The following STX18 variants were observed in gnomAD, a reference collection of about 807,000 sequenced individuals.
STX18 encodes the protein syntaxin 18.
In STX18, 40 loss-of-function variants were observed where a neutral mutation model predicts 50.1. That is an observed-to-expected ratio of 0.80 (90% CI 0.62 to 1.04). The LOEUF (loss-of-function observed/expected upper bound fraction) is 1.04. Ranked by LOEUF, STX18 falls within the 50% of genes least tolerant of loss-of-function variation. The pLI, the probability that STX18 is intolerant of heterozygous loss-of-function variation, is 0.00. For missense variants in STX18, 410 were observed against 415.8 expected, an observed-to-expected ratio of 0.99 and a Z score of 0.12; for synonymous variants, 158 against 151.8, an observed-to-expected ratio of 1.04 and a Z score of -0.30.
chr4:4,525,956 T>C lies in STX18; in HGVS notation c.168+15841A>G, dbSNP rs115134541. ...GAGCAAGCAGTCCAGGCAAGAGAAA[T>C]AGCAGGAGCCAAGGAAGGAGGCAAG... On this transcript the variant is annotated intron_variant, in intron 1 of 10. Transcript: ENST00000306200. 6.8e-3 allele frequency among the ~76,000 whole-genome samples: 1,035 copies of C among 152,096 alleles called. 6 individuals are homozygous for C. Among genetic ancestry groups the C allele is most frequent in the African/African-American group, 0.023 (972 of 41,484 alleles).
intron 7 of STX18, among the ~76,000 whole-genome samples, chr4:4,428,860 A>C (rs1725384760): frequency 6.6e-6 from 1 of 152,140 alleles, no homozygotes; most frequent in South Asian, 2.1e-4. Flanking sequence ...CAATCAAGGA[A>C]ATTCTTATTT....
At chr4:4,445,272 G>C (rs1726330272) in intron 5 of STX18, among the ~76,000 whole-genome samples, 2 of 152,108 alleles carry the variant, frequency 1.3e-5, no homozygotes, top group African/African-American at 4.8e-5. Flanking sequence ...CGGGCATGGT[G>C]GTGGGCGCCT....
intron 5 of STX18, among the ~76,000 whole-genome samples, chr4:4,444,558 A>C (rs1726287458): frequency 6.6e-6 from 1 of 152,198 alleles, no homozygotes; most frequent in Non-Finnish European, 1.5e-5. Context: ...ACACTATTCC[A>C]CTGGGAGAGG....
chr4:4,509,675 A>C (rs1395002051), intron 1 of STX18, among the ~76,000 whole-genome samples: 1 of 152,208 alleles, frequency 6.6e-6, no homozygotes, highest in Non-Finnish European at 1.5e-5. Context: ...AAGTGGTGAA[A>C]GTGTTACGGG....
At chr4:4,491,697 G>A (rs992853413) in intron 1 of STX18, among the ~76,000 whole-genome samples, 27 of 152,106 alleles carry the variant, frequency 1.8e-4, no homozygotes, top group African/African-American at 4.8e-4. Context: ...TTGTGATATC[G>A]TTGATCACAA....
At chr4:4,533,169 T>C (rs961127575) in intron 1 of STX18, among the ~76,000 whole-genome samples, 1 of 152,232 alleles carries the variant, frequency 6.6e-6, no homozygotes, top group Admixed American at 6.5e-5. Flanking sequence ...ATACTTTCAT[T>C]CCTCTGGTTT....
At chr4:4,453,765 G>T in intron 5 of STX18, 2 of 712,362 alleles carry the variant, frequency 2.8e-6, no homozygotes, top group Non-Finnish European at 3.4e-6. Flanking sequence ...TCAGGCACAG[G>T]TACCGTGGAC....
At chr4:4,431,434 C>G (rs1725513483) in intron 7 of STX18, among the ~76,000 whole-genome samples, 1 of 152,212 alleles carries the variant, frequency 6.6e-6, no homozygotes, top group African/African-American at 2.4e-5. Flanking sequence ...TCCAATCCCT[C>G]TTTACATTCC....
At chr4:4,482,109 C>T (rs1050132837) in intron 1 of STX18, among the ~76,000 whole-genome samples, 8 of 152,152 alleles carry the variant, frequency 5.3e-5, no homozygotes, top group African/African-American at 1.7e-4. Context: ...AGGTTCTTTT[C>T]TAAAACCTAT....
intron 1 of STX18, among the ~76,000 whole-genome samples, chr4:4,535,149 T>A (rs914850476): frequency 6.6e-6 from 1 of 152,248 alleles, no homozygotes; most frequent in Non-Finnish European, 1.5e-5. Flanking sequence ...CTTTGAGGTT[T>A]CCACTGATTC....
intron 5 of STX18, among the ~76,000 whole-genome samples, chr4:4,444,814 AAAAC>A (rs1344368510): frequency 3.3e-5 from 5 of 151,576 alleles, no homozygotes; most frequent in African/African-American, 4.9e-5. Flanking sequence ...CACAAATATG[AAAAC>A]AAACTAACAA....
At chr4:4,527,479 A>G (rs989448525) in intron 1 of STX18, among the ~76,000 whole-genome samples, 1 of 152,172 alleles carries the variant, frequency 6.6e-6, no homozygotes, top group Admixed American at 6.5e-5. Context: ...TCATTATATA[A>G]TTCCCTTTTA....
chr4:4,445,319 T>C (rs1160451185), intron 5 of STX18, among the ~76,000 whole-genome samples: 1 of 152,022 alleles, frequency 6.6e-6, no homozygotes, highest in East Asian at 1.9e-4. Context: ...GGCAGGAGAA[T>C]TGCTTGAACT....
intron 2 of STX18, among the ~76,000 whole-genome samples, chr4:4,468,338 G>A (rs927217089): frequency 6.6e-6 from 1 of 152,080 alleles, no homozygotes; most frequent in Non-Finnish European, 1.5e-5. Context: ...AAGTTGCAGG[G>A]GCTAACTTGA....
chr4:4,450,512 C>T (rs1439713035), intron 5 of STX18, among the ~76,000 whole-genome samples: 3 of 152,166 alleles, frequency 2.0e-5, no homozygotes, highest in African/African-American at 7.2e-5. Flanking sequence ...CCATATTGCC[C>T]AGGCTGGTCC....
intron 5 of STX18, among the ~76,000 whole-genome samples, chr4:4,439,712 T>A (rs1299526109): frequency 6.6e-6 from 1 of 152,072 alleles, no homozygotes; most frequent in African/African-American, 2.4e-5. Context: ...GCACAAGTCC[T>A]TAAATACCCA....
At chr4:4,457,780 C>A (rs1235031733) in intron 3 of STX18, among the ~76,000 whole-genome samples, 1 of 152,180 alleles carries the variant, frequency 6.6e-6, no homozygotes, top group African/African-American at 2.4e-5. Flanking sequence ...TGAGTGCTGA[C>A]CCCATCTGTG....
intron 5 of STX18, among the ~76,000 whole-genome samples, chr4:4,441,363 T>C (rs1352652490): frequency 6.6e-6 from 1 of 152,194 alleles, no homozygotes; most frequent in African/African-American, 2.4e-5. Context: ...CTATTCTAAG[T>C]ATCACAAATA....
intron 1 of STX18, among the ~76,000 whole-genome samples, chr4:4,489,808 T>C (rs1728866108): frequency 1.3e-5 from 2 of 152,176 alleles, no homozygotes; most frequent in South Asian, 4.1e-4. Flanking sequence ...AAATAATAGT[T>C]AGGTCCTGAG....
Sources: allele counts gnomAD v4.1 joint callset (sites outside exome capture counted in the v4.1 genomes callset), GRCh38; gene constraint gnomAD v4.1.1; transcripts MANE v1.5; gene names NCBI Gene and HGNC (gene_info 2026-07-23, HGNC 2026-07-21).